Variants in RMDN1 observed in about 807,000 individuals in gnomAD.
RMDN1 encodes the protein regulator of microtubule dynamics 1.
A neutral mutation model predicts 48.9 loss-of-function variants in RMDN1; 48 were observed. The ratio of observed to expected loss-of-function variants is 0.98; its 90% CI spans 0.78 to 1.25. RMDN1 has a LOEUF of 1.25. Ranked by LOEUF, RMDN1 falls within the 50% of genes most tolerant of loss-of-function variation. The pLI is 0.00. For synonymous variants in RMDN1, 148 were observed against 132.6 expected (o/e 1.12, Z -0.80); for missense variants, 418 against 373.4 (o/e 1.12, Z -0.98).
intron 2 of RMDN1, among the ~76,000 whole-genome samples, chr8:86,497,495 G>T (rs959754367): frequency 6.6e-6 from 1 of 152,066 alleles, no homozygotes; most frequent in South Asian, 2.1e-4. Context: ...GAGGTCAGGA[G>T]TTCGAGACCA....
At chr8:86,510,978 G>T (rs1033654304), upstream of RMDN1, among the ~76,000 whole-genome samples, 11 of 139,828 alleles carry the variant, frequency 7.9e-5, no homozygotes, top group African/African-American at 2.5e-4. Context: ...TGTTTTTCTT[G>T]TTGTTGTTTG....
upstream of RMDN1, among the ~76,000 whole-genome samples, chr8:86,511,328 G>T (rs528092730): frequency 1.5e-4 from 23 of 151,458 alleles, no homozygotes; most frequent in African/African-American, 5.6e-4. Context: ...CAAAAAATTA[G>T]CCGGGTGTGG....
downstream of RMDN1, chr8:86,470,050 C>T (rs551448798): frequency 1.8e-6 from 1 of 567,436 alleles, no homozygotes; most frequent in African/African-American, 2.0e-5. Flanking sequence ...GTTGAGATAA[C>T]TTGGCCATCA....
intron 6 of RMDN1, among the ~76,000 whole-genome samples, chr8:86,479,551 G>C (rs1025221442): frequency 6.6e-6 from 1 of 152,182 alleles, no homozygotes; most frequent in Non-Finnish European, 1.5e-5. Flanking sequence ...AAGTCCTTAA[G>C]GCAGAAATTG....
intron 1 of RMDN1, 78 bp downstream of exon 1, chr8:86,508,414 C>T: frequency 7.0e-7 from 1 of 1,434,154 alleles, no homozygotes; most frequent in Non-Finnish European, 9.3e-7. Context: ...AGCGCGGGGC[C>T]GCCACCACTT....
At chr8:86,508,758 C>A, upstream of RMDN1, 2 of 1,377,618 alleles carry the variant, frequency 1.5e-6, no homozygotes, top group Non-Finnish European at 1.9e-6. Flanking sequence ...TCCTGCCCAG[C>A]ACCTCTTCCG....
At chr8:86,483,084 AAT>A (rs1814841828) in intron 5 of RMDN1, 2 of 429,196 alleles carry the variant, frequency 4.7e-6, no homozygotes, top group Admixed American at 8.2e-5. Context: ...ACTCTTTTAT[AAT>A]CAATCCTTCC....
intron 1 of RMDN1, among the ~76,000 whole-genome samples, chr8:86,507,412 T>TA (rs1819555131): frequency 6.6e-6 from 1 of 152,202 alleles, no homozygotes; most frequent in African/African-American, 2.4e-5. Flanking sequence ...TTGTATGAAG[T>TA]AAAATATGAG....
At chr8:86,487,901 A>G (rs1309315465) in intron 3 of RMDN1, among the ~76,000 whole-genome samples, 1 of 152,162 alleles carries the variant, frequency 6.6e-6, no homozygotes, top group African/African-American at 2.4e-5. Context: ...TTGAAAATCT[A>G]AAAAAGGCAG....
chr8:86,484,749 G>T, intron 5 of RMDN1, 123 bp downstream of exon 5: 22 of 450,934 alleles, frequency 4.9e-5, no homozygotes, highest in Non-Finnish European at 7.2e-5. Context: ...ATAACAAACT[G>T]TCATGGCTCT....
intron 2 of RMDN1, chr8:86,504,111 C>T: frequency 1.8e-6 from 2 of 1,106,868 alleles, no homozygotes; most frequent in South Asian, 1.2e-5. Flanking sequence ...AATTCAAATT[C>T]ATCCTTGGGT....
chr8:86,471,273 T>TCTC (rs1812538678), downstream of RMDN1, among the ~76,000 whole-genome samples: 1 of 151,672 alleles, frequency 6.6e-6, no homozygotes, highest in African/African-American at 2.4e-5. Flanking sequence ...TGATACCTGA[T>TCTC]CTCACAAAAA....
In RMDN1 at chr8:86,514,338, C is replaced by T; in HGVS notation, c.-100G>A. 3 of 870,028 alleles carry T rather than the reference C, an allele frequency of 3.4e-6. No homozygotes were observed. In the South Asian group the frequency reaches 1.6e-4, roughly 46 times the overall value. The allele number at this position is 870,028 out of a possible 1,614,324, so 53.9% of individuals were successfully genotyped here. The stretch of plus-strand genomic sequence containing the variant: ...AAGGAGCTGACATGCAGCCCGGAGT[C>T]AGCTCCCTGCGGATGGGCTGATCCT... On this transcript the variant is annotated 5_prime_UTR_variant, in exon 1 of 10. Transcript: ENST00000523911.
chr8:86,492,023 G>A (rs1223186215), intron 2 of RMDN1, among the ~76,000 whole-genome samples: 1 of 152,140 alleles, frequency 6.6e-6, no homozygotes, highest in African/African-American at 2.4e-5. Flanking sequence ...TGTCTCAGCA[G>A]TACCAGCAAC....
upstream of RMDN1, among the ~76,000 whole-genome samples, chr8:86,509,473 G>T (rs1324362101): frequency 1.3e-5 from 2 of 152,168 alleles, no homozygotes; most frequent in Non-Finnish European, 2.9e-5. Context: ...TGGAAACACA[G>T]ACTGCAAAGG....
Position 86,507,096 on chromosome 8 carries a change from C to G in RMDN1, c.146G>C (p.Gly49Ala), listed in dbSNP as rs936601900. ...GAGTAAAAGGCCTCTTTTGAAAGTT[C>G]CTGGGTTTCCCATTACCTATGGAAA... Reference protein sequence around the residue: ...FRGFEVMGNPGTFKRGLLLSA... With the variant: ...FRGFEVMGNPATFKRGLLLSA... Residue 49 changes from glycine (G) to alanine (A), a missense_variant, in exon 2 of 10, where the codon GGA becomes GCA. Transcript: ENST00000406452. 6.2e-7 allele frequency: 1 copy of G among 1,605,152 alleles called. No homozygotes were observed. The highest frequency in any genetic ancestry group is 1.3e-5 in the African/African-American group (1 of 74,714).
intron 1 of RMDN1, chr8:86,508,256 C>G: frequency 2.2e-6 from 1 of 455,888 alleles, no homozygotes. Flanking sequence ...TAGCAGGCAG[C>G]TTCTGGGGCG....
At chr8:86,470,836 C>T (rs1253577871), downstream of RMDN1, among the ~76,000 whole-genome samples, 1 of 151,996 alleles carries the variant, frequency 6.6e-6, no homozygotes. Flanking sequence ...TTATGGAGAA[C>T]AGATTAGTGC....
At chr8:86,483,339 C>G (rs1814893269) in intron 5 of RMDN1, among the ~76,000 whole-genome samples, 1 of 151,956 alleles carries the variant, frequency 6.6e-6, no homozygotes, top group South Asian at 2.1e-4. Flanking sequence ...CTTCATTATT[C>G]CCTTTGGAAG....
Sources: gnomAD v4.1 joint callset for allele counts (sites outside exome capture counted in the v4.1 genomes callset) on GRCh38, gnomAD v4.1.1 for gene constraint, MANE v1.5 for transcripts, NCBI Gene and HGNC (gene_info 2026-07-23, HGNC 2026-07-21) for gene names.